The following APOBEC3G variants were observed in gnomAD, a reference collection of about 807,000 sequenced individuals.
APOBEC3G encodes DNA dC->dU-editing enzyme APOBEC-3G.
A neutral mutation model predicts 50.0 loss-of-function variants in APOBEC3G; 44 were observed. The observed-to-expected ratio is 0.88, with a 90% confidence interval of 0.69 to 1.13. The LOEUF (loss-of-function observed/expected upper bound fraction) is 1.13, where lower values mean the gene tolerates loss of function less well. APOBEC3G is among the 50% of genes most tolerant of loss of function. The pLI is 0.00. For synonymous variants in APOBEC3G, 156 were observed against 175.3 expected (o/e 0.89, Z 0.87); for missense variants, 469 against 492.0 (o/e 0.95, Z 0.44).
At chr22:39,081,710 C>G (rs977126350) in intron 4 of APOBEC3G, 125 bp downstream of exon 4, 1 of 727,656 alleles carries the variant, frequency 1.4e-6, no homozygotes, top group Non-Finnish European at 2.3e-6. Context: ...CCTCCTGCCC[C>G]CTGCCTGCCC....
chr22:39,081,283 G>T (rs976643988), intron 3 of APOBEC3G, 56 bp downstream of exon 3: 1 of 1,587,384 alleles, frequency 6.3e-7, no homozygotes, highest in East Asian at 2.2e-5. Flanking sequence ...TCTGTGATGG[G>T]TCCTTCCCAC....
rs1362560617 is a variant in APOBEC3G at position 39,086,291 on chromosome 22, C to A, written c.748C>A (p.His250Asn). The A allele has an allele frequency of 6.3e-7, 1 of 1,582,208 alleles. No individual in the cohort carries two copies. Among genetic ancestry groups the A allele is most frequent in the South Asian group, 1.1e-5 (1 of 87,484 alleles). ...CTTTCTTTTCTAGGCTCCACATAAA[C>A]ACGGTTTCCTTGAAGGCCGCCATGC... ...GFLCNQAPHK[H>N]GFLEGRHAEL... Residue 250 changes from histidine to asparagine, a missense_variant, in exon 6 of 8, where the codon CAC becomes AAC. By Grantham distance (68) the His-to-Asn change is moderately conservative (BLOSUM62 1). Coordinates refer to ENST00000407997, the MANE Select transcript of APOBEC3G (RefSeq NM_021822.4).
Position 39,086,559 on chromosome 22 carries a change from C to T in APOBEC3G, c.1016C>T (p.Thr339Ile), listed in dbSNP as rs769604992. 1.6e-5 allele frequency: 26 copies of T among 1,601,640 alleles called. No individual in the cohort carries two copies. Among genetic ancestry groups the T allele is most frequent in the Admixed American group, 5.0e-5 (3 of 59,490 alleles). ...AEAGAKISIM[T>I]YSEFKHCWDT... ...GCTGGGGCCAAAATTTCAATAATGA[C>T]ATACAGTGGTGAGAATGGAAGCCTG... The change falls in exon 6 of 8, where the codon ACA (threonine) becomes ATA (isoleucine). Residue 339 changes from threonine (T) to isoleucine (I), a missense_variant. Coordinates refer to ENST00000407997, the MANE Select transcript of APOBEC3G (RefSeq NM_021822.4).
At chr22:39,081,675 C>G in intron 4 of APOBEC3G, 90 bp downstream of exon 4, 2 of 1,092,184 alleles carry the variant, frequency 1.8e-6, no homozygotes, top group Non-Finnish European at 2.7e-6. Context: ...ACCAGGTCCT[C>G]TCCTGGCCAG....
chr22:39,079,196 T>G, intron 2 of APOBEC3G, 111 bp downstream of exon 2: 1 of 1,386,362 alleles, frequency 7.2e-7, no homozygotes, highest in Non-Finnish European at 9.6e-7. Context: ...TGTGTCCTTC[T>G]CTCCCACACT....
At chr22:39,083,622 G>A (rs919150528) in intron 4 of APOBEC3G, 109 bp from the exon 5 acceptor site, 62 of 1,323,820 alleles carry the variant, frequency 4.7e-5, no homozygotes, top group South Asian at 8.1e-5. Flanking sequence ...GTGGGGAGCC[G>A]GGGGAAGGAA....
chr22:39,078,236 G>A (rs974455355), intron 1 of APOBEC3G, among the ~76,000 whole-genome samples: 35 of 151,724 alleles, frequency 2.3e-4, no homozygotes, highest in Non-Finnish European at 4.0e-4. Flanking sequence ...TCCAGCCTGG[G>A]CAACAAGAGC....
intron 1 of APOBEC3G, among the ~76,000 whole-genome samples, chr22:39,077,645 G>C (rs1214558327): frequency 6.6e-6 from 1 of 152,200 alleles, no homozygotes; most frequent in Admixed American, 6.5e-5. Context: ...GGCTGGGGTG[G>C]TGCTCCCGGC....
rs76917817 is a variant in APOBEC3G, at chr22:39,087,454, A to T, written c.*33A>T. 1.4e-3 allele frequency: 2,255 copies of T among 1,613,836 alleles called. 30 individuals are homozygous for T. The African/African-American group carries it at 0.023, about 16-fold the overall frequency. ...GCCTCAGTCTCTAAGGAAGGCAGAG[A>T]CCTGGGTTGAGCCTCAGAATAAAAG... On this transcript the variant is annotated 3_prime_UTR_variant, in exon 8 of 8. Coordinates refer to ENST00000407997, the MANE Select transcript of APOBEC3G (RefSeq NM_021822.4).
chr22:39,078,039 C>A (rs192671572), intron 1 of APOBEC3G, among the ~76,000 whole-genome samples: 15 of 152,286 alleles, frequency 9.8e-5, no homozygotes, highest in African/African-American at 3.6e-4. Context: ...GTGGGCGGAT[C>A]GCCTGCGGTC....
At chr22:39,085,456 C>A (rs1928651600) in intron 5 of APOBEC3G, among the ~76,000 whole-genome samples, 1 of 152,262 alleles carries the variant, frequency 6.6e-6, no homozygotes, top group Non-Finnish European at 1.5e-5. Flanking sequence ...CCCAGCTCTA[C>A]AGCCCCTCCC....
intron 2 of APOBEC3G, 31 bp downstream of exon 2, chr22:39,079,116 C>G: frequency 6.2e-7 from 1 of 1,611,688 alleles, no homozygotes; most frequent in African/African-American, 1.3e-5. Flanking sequence ...ACTTTGCAGG[C>G]AGGAGCTAAG....
At position 39,087,491 on chromosome 22, in the gene APOBEC3G, A is replaced by G. The variant is rs1928751055; in HGVS notation, c.*70A>G. On this transcript the variant is annotated 3_prime_UTR_variant, in exon 8 of 8. Coordinates refer to ENST00000407997, the MANE Select transcript of APOBEC3G (RefSeq NM_021822.4). ...CCTCAGAATAAAAGATCTTCTTCCA[A>G]GAAATGCAAACAGGCTGTTCACCAC... 2 of 1,613,296 alleles carry G rather than the reference A, an allele frequency of 1.2e-6. No individual in the cohort carries two copies. The highest frequency in any genetic ancestry group is 8.5e-7 in the Non-Finnish European group (1 of 1,179,264).
intron 5 of APOBEC3G, among the ~76,000 whole-genome samples, chr22:39,085,502 C>T (rs1928653519): frequency 6.6e-6 from 1 of 152,226 alleles, no homozygotes; most frequent in African/African-American, 2.4e-5. Context: ...CCTGAAGGCA[C>T]TGACCTCATG....
Position 39,077,294 on chromosome 22 carries a change from A to T in APOBEC3G, c.-68A>T. 6.4e-7 allele frequency: 1 copy of T among 1,553,424 alleles called. No individual in the cohort carries two copies. The highest frequency in any genetic ancestry group is 8.7e-7 in the Non-Finnish European group (1 of 1,147,724). On this transcript the variant is annotated 5_prime_UTR_variant, in exon 1 of 8. In the 5' UTR this introduces an upstream ATG that the reference lacks. Transcript: ENST00000407997. ...TAGGGAGGGCTGTCCTAAAACCAGA[A>T]GCTTGGAGCAGAAAGTGAAACCCTG...
intron 5 of APOBEC3G, among the ~76,000 whole-genome samples, chr22:39,084,554 G>C (rs754232220): frequency 2.0e-5 from 3 of 151,528 alleles, no homozygotes; most frequent in Non-Finnish European, 4.4e-5. Flanking sequence ...GCTTCCTGAG[G>C]ACCCTCCCAG....
chr22:39,077,982 G>T (rs1415998581), intron 1 of APOBEC3G, among the ~76,000 whole-genome samples: 1 of 152,184 alleles, frequency 6.6e-6, no homozygotes, highest in Non-Finnish European at 1.5e-5. Flanking sequence ...TATAGTGGCC[G>T]GGTGCGGTGG....
At position 39,077,821 on chromosome 22, in the gene APOBEC3G, T is replaced by C. The variant is rs1422646403; in HGVS notation, c.17+443T>C. Among the ~76,000 whole-genome samples the C allele has an allele frequency of 2.0e-5, 3 of 152,146 alleles. 1 individual carries two copies. Among genetic ancestry groups the C allele is most frequent in the Non-Finnish European group, 4.4e-5 (3 of 68,032 alleles). ...AAATACCAAGTCTTAGGAGAGGGTGTGGGGAGGGAATGGTCTCTGAAGCAC... is the reference window on the plus strand; with the variant it reads ...AAATACCAAGTCTTAGGAGAGGGTGCGGGGAGGGAATGGTCTCTGAAGCAC... On this transcript the variant is annotated intron_variant, in intron 1 of 7. Coordinates refer to ENST00000407997, the MANE Select transcript of APOBEC3G (RefSeq NM_021822.4).
At chr22:39,085,714 C>A (rs1766714730) in intron 5 of APOBEC3G, among the ~76,000 whole-genome samples, 1 of 151,514 alleles carries the variant, frequency 6.6e-6, no homozygotes, top group African/African-American at 2.4e-5. Context: ...TGGTGAAACC[C>A]CGTCTCTACT....
Sources: gnomAD v4.1 joint callset for allele counts (sites outside exome capture counted in the v4.1 genomes callset) on GRCh38, gnomAD v4.1.1 for gene constraint, MANE v1.5 for transcripts, NCBI Gene and HGNC (gene_info 2026-07-23, HGNC 2026-07-21) for gene names.